ELAVL1: variants seen among roughly 807,000 people sequenced by gnomAD.
ELAVL1 encodes ELAV like RNA binding protein 1.
A neutral mutation model predicts 28.4 loss-of-function variants in ELAVL1; 1 was observed. The ratio of observed to expected loss-of-function variants is 0.04; its 90% CI spans 0.01 to 0.17. ELAVL1 has a LOEUF of 0.17. ELAVL1 is among the 10% of genes least tolerant of loss of function. The probability of loss-of-function intolerance (pLI) is 1.00; values close to 1 mark genes in which losing one functional copy is unlikely to be tolerated. For synonymous variants in ELAVL1, 174 were observed against 183.5 expected (o/e 0.95, Z 0.42); for missense variants, 157 against 447.2 (o/e 0.35, Z 5.85).
intron 2 of ELAVL1, among the ~76,000 whole-genome samples, chr19:7,988,986 G>T (rs1485426610): frequency 6.6e-6 from 1 of 152,218 alleles, no homozygotes; most frequent in Admixed American, 6.5e-5. Flanking sequence ...TCAGCTGAGG[G>T]TGAAGGGGGT....
chr19:7,969,752 C>A (rs553450471), intron 4 of ELAVL1, among the ~76,000 whole-genome samples: 13 of 152,134 alleles, frequency 8.5e-5, no homozygotes, highest in Non-Finnish European at 1.8e-4. Context: ...TGCGGCCCAG[C>A]GGAGAGAAGG....
At chr19:8,002,379 G>A (rs2081071147) in intron 1 of ELAVL1, among the ~76,000 whole-genome samples, 1 of 152,072 alleles carries the variant, frequency 6.6e-6, no homozygotes. Flanking sequence ...AGAGTGGGCT[G>A]AGATGACCTA....
At chr19:7,991,902 T>G in intron 1 of ELAVL1, 71 bp from the exon 2 acceptor site, 2 of 1,167,586 alleles carry the variant, frequency 1.7e-6, no homozygotes, top group Non-Finnish European at 2.4e-6. Context: ...AACTAGTAAC[T>G]GCATTTGCAC....
rs150436962 is a variant in ELAVL1 at position 7,972,596 on chromosome 19, A to G, written c.430+1129T>C. ...CCCAAATGCCTGCAACGAAAGCCAC[A>G]GTGGACAAATGTGCAGCAGCCTTTT... is the stretch of plus-strand genomic sequence containing the variant. On this transcript the variant is annotated intron_variant, in intron 4 of 5. Coordinates refer to ENST00000407627, the MANE Select transcript of ELAVL1 (RefSeq NM_001419.3). Among the ~76,000 whole-genome samples, 622 of 152,182 alleles carry G rather than the reference A, an allele frequency of 4.1e-3. 3 individuals carry two copies. Among genetic ancestry groups the G allele is most frequent in the Middle Eastern group, 0.024 (7 of 292 alleles).
At chr19:7,977,802 G>A (rs1985341457) in intron 3 of ELAVL1, among the ~76,000 whole-genome samples, 1 of 152,264 alleles carries the variant, frequency 6.6e-6, no homozygotes, top group South Asian at 2.1e-4. Context: ...TGAGCACAAG[G>A]CTCCAGGAGG....
chr19:7,997,558 T>C (rs1182728822), intron 1 of ELAVL1, among the ~76,000 whole-genome samples: 3 of 152,158 alleles, frequency 2.0e-5, no homozygotes, highest in African/African-American at 7.2e-5. Flanking sequence ...CTTTCCAATC[T>C]TTATTATGGT....
Position 7,967,697 on chromosome 19 carries a change from G to A in ELAVL1, c.524C>T (p.Ser175Phe). 6.2e-7 allele frequency: 1 copy of A among 1,614,212 alleles called. No homozygotes were observed. The highest frequency in any genetic ancestry group is 2.2e-5 in the East Asian group (1 of 44,890). The change falls in exon 5 of 6, where the codon TCC (serine) becomes TTC (phenylalanine). Residue 175 changes from serine to phenylalanine, a missense_variant. Physicochemically the swap from Ser to Phe is radical, Grantham distance 155. Coordinates refer to ENST00000407627, the MANE Select transcript of ELAVL1 (RefSeq NM_001419.3). ...AAACTTCACTGTGATGGGCTCAGAG[G>A]AACCTGGGGGTTTATGACCATTGAA... ...TSFNGHKPPGSSEPITVKFAA... is the reference protein window; with the variant it reads ...TSFNGHKPPGFSEPITVKFAA...
intron 2 of ELAVL1, among the ~76,000 whole-genome samples, chr19:7,990,891 G>A (rs888805574): frequency 1.3e-5 from 2 of 152,178 alleles, no homozygotes; most frequent in African/African-American, 4.8e-5. Flanking sequence ...CCGAGTCCTT[G>A]AAGCCATGCT....
intron 2 of ELAVL1, among the ~76,000 whole-genome samples, chr19:7,983,700 C>T (rs1263769706): frequency 1.3e-5 from 2 of 152,132 alleles, no homozygotes; most frequent in Admixed American, 6.5e-5. Flanking sequence ...TTGAGAAAGT[C>T]ACACACTGAT....
At chr19:7,990,304 G>A (rs1985715997) in intron 2 of ELAVL1, among the ~76,000 whole-genome samples, 1 of 151,888 alleles carries the variant, frequency 6.6e-6, no homozygotes, top group Admixed American at 6.6e-5. Flanking sequence ...TTATAGGCAT[G>A]AGCCACCGTG....
intron 5 of ELAVL1, among the ~76,000 whole-genome samples, chr19:7,965,826 G>A (rs554436402): frequency 9.9e-5 from 15 of 152,136 alleles, no homozygotes; most frequent in South Asian, 2.1e-4. Context: ...GAGCAGGACC[G>A]ACTGTATGAT....
chr19:7,980,632 C>T (rs937534417), intron 3 of ELAVL1, among the ~76,000 whole-genome samples: 1 of 152,200 alleles, frequency 6.6e-6, no homozygotes, highest in African/African-American at 2.4e-5. Context: ...TCACACATGG[C>T]TATCCTCTGT....
chr19:7,964,257 C>T (rs931086671), intron 5 of ELAVL1, among the ~76,000 whole-genome samples: 2 of 152,182 alleles, frequency 1.3e-5, no homozygotes, highest in African/African-American at 4.8e-5. Context: ...GCACCTTCCC[C>T]TTATCATGAC....
intron 1 of ELAVL1, among the ~76,000 whole-genome samples, chr19:7,999,032 GGGAT>G (rs1272535139): frequency 6.6e-6 from 1 of 152,226 alleles, no homozygotes; most frequent in East Asian, 1.9e-4. Flanking sequence ...CCAAAGTGCT[GGGAT>G]TATAGGTGAG....
At chr19:7,989,274 G>A (rs926729879) in intron 2 of ELAVL1, among the ~76,000 whole-genome samples, 1 of 152,232 alleles carries the variant, frequency 6.6e-6, no homozygotes, top group Non-Finnish European at 1.5e-5. Context: ...TAAAGCTCCA[G>A]TCACTTGAAG....
intron 2 of ELAVL1, among the ~76,000 whole-genome samples, chr19:7,988,688 A>C (rs1985669320): frequency 6.6e-6 from 1 of 152,218 alleles, no homozygotes; most frequent in South Asian, 2.1e-4. Context: ...CACCACTGGG[A>C]TGTCACTACT....
rs766789609 is a variant in ELAVL1 at position 7,991,786 on chromosome 19, G to C, written c.30C>G (p.Ala10=). The C allele has an allele frequency of 1.9e-6, 3 of 1,613,686 alleles. No homozygotes were observed. The East Asian group carries it at 6.7e-5, about 36-fold the overall frequency. Residue 10 remains alanine (A), a synonymous_variant, in exon 2 of 6, where the codon GCC becomes GCG. Coordinates refer to ENST00000407627, the MANE Select transcript of ELAVL1 (RefSeq NM_001419.3). MSNGYEDHM[A]EDCRGDIGRT... is the part of the protein sequence containing the mutation. ...TCCCGATGTCACCCCTGCAGTCTTC[G>C]GCCATGTGGTCTTCATAACCATTAG...
At chr19:7,973,679 C>T (rs1985188774) in intron 4 of ELAVL1, 46 bp downstream of exon 4, 2 of 1,583,276 alleles carry the variant, frequency 1.3e-6, no homozygotes, top group African/African-American at 1.4e-5. Flanking sequence ...AACCCAGCCC[C>T]CACCTAGAGA....
At position 7,979,904 on chromosome 19, in the gene ELAVL1, C is replaced by G. The variant is rs1377105844; in HGVS notation, c.276+1179G>C. On this transcript the variant is annotated intron_variant, in intron 3 of 5. Transcript: ENST00000407627. This position sits in a 1 kb window ranked among gnomAD's most constrained non-coding sequence, Gnocchi z 5.4. ...CTGTCACTGTCAGGTCACAGAACCCCTCTTGGTGGGCAGGCAAAAATCCAG... is the reference window on the plus strand; with the variant it reads ...CTGTCACTGTCAGGTCACAGAACCCGTCTTGGTGGGCAGGCAAAAATCCAG... Among the ~76,000 whole-genome samples the G allele has an allele frequency of 3.9e-5, 6 of 152,160 alleles. No individual in the cohort carries two copies. In the East Asian group the frequency reaches 1.2e-3, roughly 29 times the overall value.
Sources: gnomAD v4.1 joint callset for allele counts (sites outside exome capture counted in the v4.1 genomes callset) on GRCh38, gnomAD v4.1.1 for gene constraint, Gnocchi (gnomAD v3.1) non-coding constraint, MANE v1.5 for transcripts, NCBI Gene and HGNC (gene_info 2026-07-23, HGNC 2026-07-21) for gene names.